ATP13A5: variants seen among roughly 807,000 people sequenced by gnomAD.
The protein encoded by ATP13A5 is ATPase 13A5.
In ATP13A5, 149 loss-of-function variants were observed where a neutral mutation model predicts 150.2. That is an observed-to-expected ratio of 0.99 (90% confidence interval 0.87 to 1.14). The LOEUF (loss-of-function observed/expected upper bound fraction) is 1.14, where lower values mean the gene tolerates loss of function less well. Ranked by LOEUF, ATP13A5 falls within the 50% of genes most tolerant of loss-of-function variation. The pLI, the probability that ATP13A5 is intolerant of heterozygous loss-of-function variation, is 0.00. For missense variants in ATP13A5, 1,383 were observed against 1,449.3 expected (o/e 0.95, Z 0.74); for synonymous variants, 497 against 522.2 (o/e 0.95, Z 0.66).
At position 193,344,025 on chromosome 3, in the gene ATP13A5, A is replaced by G; in HGVS notation, c.845T>C (p.Val282Ala). The change falls in exon 9 of 30, where the codon GTT (valine) becomes GCT (alanine). Residue 282 changes from valine to alanine, a missense_variant. Val to Ala is a moderately conservative substitution (Grantham distance 64). This residue lies in a region of ATP13A5 where 787 missense variants were observed against 771.9 expected (regional missense o/e 1.02). Coordinates refer to ENST00000342358, the MANE Select transcript of ATP13A5 (RefSeq NM_198505.4). ...TGGAAGAATAAGAATGTCTCCGGGA[A>G]CCAAGAGACGGGATTCCAGCTCCTC... is the stretch of plus-strand genomic sequence containing the variant. ...GLEELESRLL[V>A]PGDILILPGK... The G allele has an allele frequency of 1.2e-6, 2 of 1,613,292 alleles. No individual in the cohort carries two copies. Among genetic ancestry groups the G allele is most frequent in the Non-Finnish European group, 1.7e-6 (2 of 1,179,518 alleles).
chr3:193,290,503 TA>T (rs371692103), intron 25 of ATP13A5, among the ~76,000 whole-genome samples: 9 of 151,772 alleles, frequency 5.9e-5, no homozygotes, highest in South Asian at 2.1e-4. Context: ...CTGGATAATT[TA>T]AAAAAAACAC....
At chr3:193,349,733 T>C (rs1194468269) in intron 7 of ATP13A5, among the ~76,000 whole-genome samples, 1 of 152,108 alleles carries the variant, frequency 6.6e-6, no homozygotes, top group Non-Finnish European at 1.5e-5. Flanking sequence ...TTAAAAATCG[T>C]AAATATCAAT....
intron 9 of ATP13A5, among the ~76,000 whole-genome samples, chr3:193,336,408 C>A (rs1026560295): frequency 2.0e-5 from 3 of 152,122 alleles, no homozygotes; most frequent in African/African-American, 7.2e-5. Flanking sequence ...TCACGACAGG[C>A]CCCGGTGTGT....
chr3:193,315,224 A>T, intron 17 of ATP13A5, 128 bp from the exon 18 acceptor site: 1 of 1,005,084 alleles, frequency 9.9e-7, no homozygotes, highest in Admixed American at 2.8e-5. Flanking sequence ...AATCAAAATG[A>T]ACTTAAAAGC....
rs1382595641 is a variant in ATP13A5, at chr3:193,330,608, T to A, written c.1461+515A>T. 7.2e-5 allele frequency among the ~76,000 whole-genome samples: 11 copies of A among 152,330 alleles called. No homozygotes were observed. In the South Asian group the frequency reaches 1.9e-3, roughly 26 times the overall value. ...AACGCAGTGTTCCCCATGTGGCATA[T>A]GCTCCTCCTCTGCCACCTTTCCAGG... On this transcript the variant is annotated intron_variant, in intron 12 of 29. Transcript: ENST00000342358.
chr3:193,305,564 G>T lies in ATP13A5; in HGVS notation c.2673C>A (p.Leu891=). The change falls in exon 23 of 30, where the codon CTC becomes CTA. Residue 891 remains leucine (L), a synonymous_variant. Coordinates refer to ENST00000342358, the MANE Select transcript of ATP13A5 (RefSeq NM_198505.4). ...AAGAGGAAAAAATGACTTACCTGATGAGATGAGGCACACACTGGATGTTGG... is the reference window on the plus strand; with the variant it reads ...AAGAGGAAAAAATGACTTACCTGATTAGATGAGGCACACACTGGATGTTGG... ...KTTNIQCVPH[L]IREGRAALVS... 1 of 1,613,152 alleles carries T rather than the reference G, an allele frequency of 6.2e-7. No homozygotes were observed. Among genetic ancestry groups the T allele is most frequent in the Non-Finnish European group, 8.5e-7 (1 of 1,179,154 alleles).
At chr3:193,313,957 G>A in intron 19 of ATP13A5, 76 bp downstream of exon 19, 5 of 1,500,284 alleles carry the variant, frequency 3.3e-6, no homozygotes, top group Non-Finnish European at 4.5e-6. Flanking sequence ...TCCTGGAGTT[G>A]AGAGAAGGCT....
At chr3:193,320,882 A>G (rs1187428959) in intron 16 of ATP13A5, among the ~76,000 whole-genome samples, 2 of 152,244 alleles carry the variant, frequency 1.3e-5, no homozygotes, top group Non-Finnish European at 2.9e-5. Context: ...AGTCTGGCCC[A>G]GAAAGATGAA....
rs1295196045 is a variant in ATP13A5, at chr3:193,333,998, G to T, written c.1115-91C>A. The T allele has an allele frequency of 5.0e-6, 6 of 1,194,490 alleles. No individual in the cohort carries two copies. The Admixed American group carries it at 6.8e-5, about 14-fold the overall frequency. The allele number at this position is 1,194,490 out of a possible 1,614,324, so 74.0% of individuals were successfully genotyped here. A position where few individuals can be genotyped will look rare whatever the true frequency, so the allele number is the denominator to read the frequency against. On this transcript the variant is annotated intron_variant, in intron 10 of 29. Transcript: ENST00000342358. Reference sequence around the variant, plus strand: ...TTTACTGTCTTTGAGGAAAAGAGTAGAGTGTCCTCTAACCTTCTACCTAAT... The same window carrying T: ...TTTACTGTCTTTGAGGAAAAGAGTATAGTGTCCTCTAACCTTCTACCTAAT...
chr3:193,281,445 CTGCTGCTGAGGAAACA>C (rs2108817361), intron 27 of ATP13A5, among the ~76,000 whole-genome samples: 1 of 152,302 alleles, frequency 6.6e-6, no homozygotes, highest in East Asian at 1.9e-4. Flanking sequence ...TGGTTAGTTG[CTGCTGCTGAGGAAACA>C]TGAAAGAATA....
At chr3:193,290,824 T>A (rs1189128416) in intron 25 of ATP13A5, among the ~76,000 whole-genome samples, 1 of 152,126 alleles carries the variant, frequency 6.6e-6, no homozygotes, top group Non-Finnish European at 1.5e-5. Flanking sequence ...AACATGCTGA[T>A]GAAAATGAAA....
In ATP13A5 at chr3:193,324,900, G is replaced by A. The variant is rs1183087529; in HGVS notation, c.1638C>T (p.Asp546=). 6.2e-7 allele frequency: 1 copy of A among 1,614,088 alleles called. No homozygotes were observed. The highest frequency in any genetic ancestry group is 8.5e-7 in the Non-Finnish European group (1 of 1,179,960). The change falls in exon 14 of 30, where the codon GAC becomes GAT. Residue 546 remains aspartate (D), a synonymous_variant. Coordinates refer to ENST00000342358, the MANE Select transcript of ATP13A5 (RefSeq NM_198505.4). ...LILLNGTIQG[D]PLDLKMFEGT... ...CCTCAAACATTTTGAGGTCCAGAGG[G>A]TCTCCCTGGATGGTCCCATTGAGAA...
At chr3:193,365,868 G>A (rs1176567941) in intron 1 of ATP13A5, among the ~76,000 whole-genome samples, 2 of 152,034 alleles carry the variant, frequency 1.3e-5, no homozygotes. Flanking sequence ...AGACTGCAAT[G>A]AAAGCACTAC....
At chr3:193,335,454 T>TAA (rs760460848) in intron 9 of ATP13A5, among the ~76,000 whole-genome samples, 5 of 152,338 alleles carry the variant, frequency 3.3e-5, no homozygotes, top group Non-Finnish European at 4.4e-5. Flanking sequence ...ACGTGAATAG[T>TAA]AATTACTATT....
At position 193,326,984 on chromosome 3, in the gene ATP13A5, T is replaced by G. The variant is rs778702010; in HGVS notation, c.1523+12A>C. 2 of 1,613,192 alleles carry G rather than the reference T, an allele frequency of 1.2e-6. No individual in the cohort carries two copies. Among genetic ancestry groups the G allele is most frequent in the Non-Finnish European group, 1.7e-6 (2 of 1,179,240 alleles). ...ACCAAACACACCTTCCATTTTCACATAAGAGGCCTACCAGTTGTCAGCAGT... is the reference window on the plus strand; with the variant it reads ...ACCAAACACACCTTCCATTTTCACAGAAGAGGCCTACCAGTTGTCAGCAGT... On this transcript the variant is annotated intron_variant, in intron 13 of 29. Coordinates refer to ENST00000342358, the MANE Select transcript of ATP13A5 (RefSeq NM_198505.4).
At chr3:193,346,913 A>G (rs1712361177) in intron 7 of ATP13A5, among the ~76,000 whole-genome samples, 1 of 152,178 alleles carries the variant, frequency 6.6e-6, no homozygotes, top group African/African-American at 2.4e-5. Flanking sequence ...ATAGTGGGAA[A>G]GTCAGCTGTG....
intron 9 of ATP13A5, among the ~76,000 whole-genome samples, chr3:193,341,662 G>A (rs927090965): frequency 3.9e-5 from 6 of 152,240 alleles, no homozygotes; most frequent in Admixed American, 3.9e-4. Flanking sequence ...CACATCTTAG[G>A]ACAGTCAGAC....
Position 193,327,021 on chromosome 3 carries a change from C to G in ATP13A5, c.1498G>C (p.Gly500Arg). 6.2e-7 allele frequency: 1 copy of G among 1,612,994 alleles called. No individual in the cohort carries two copies. The highest frequency in any genetic ancestry group is 8.5e-7 in the Non-Finnish European group (1 of 1,179,762). ...TLTEDGLDLW[G>R]TVPTADNCFQ... is the part of the protein sequence containing the mutation. ...CAGTTGTCAGCAGTAGGGACAGTCC[C>G]CCAGAGGTCCAGCCCATCTTCAGTG... The change falls in exon 13 of 30, where the codon GGG (glycine) becomes CGG (arginine). Residue 500 changes from glycine (G) to arginine (R), a missense_variant. By Grantham distance (125) the Gly-to-Arg change is moderately radical. Around this residue, in one of 3 missense-constraint regions of ATP13A5, gnomAD observed 787 missense variants for 771.9 expected, o/e 1.02. Transcript: ENST00000342358.
At chr3:193,325,788 T>A (rs1719446595) in intron 13 of ATP13A5, among the ~76,000 whole-genome samples, 1 of 152,128 alleles carries the variant, frequency 6.6e-6, no homozygotes, top group South Asian at 2.1e-4. Context: ...GTATCTTGTA[T>A]CTTCCTCTCT....
Sources: gnomAD v4.1 joint callset for allele counts (sites outside exome capture counted in the v4.1 genomes callset) on GRCh38, gnomAD v4.1.1 for gene constraint, gnomAD v4.1.1 regional missense constraint, MANE v1.5 for transcripts, NCBI Gene and HGNC (gene_info 2026-07-23, HGNC 2026-07-21) for gene names.